WSCD2: variants seen among roughly 807,000 people sequenced by gnomAD.
WSCD2 encodes WSC domain sialate O sulfotransferase 2, also known as sialate:O-sulfotransferase 2.
WSCD2 carries 28 observed loss-of-function variants against 55.7 expected under a neutral mutation model. The observed-to-expected ratio is 0.50, with a 90% confidence interval of 0.37 to 0.69. The LOEUF is 0.69. Ranked by LOEUF, WSCD2 falls within the 30% of genes least tolerant of loss-of-function variation. The pLI is 0.00. For synonymous variants in WSCD2, 301 were observed against 301.9 expected (o/e 1.00, Z 0.03); for missense variants, 616 against 762.1 (o/e 0.81, Z 2.26).
chr12:108,208,133 G>A (rs7973976), intron 3 of WSCD2, among the ~76,000 whole-genome samples: 82,579 of 151,996 alleles, frequency 0.54, 22,615 homozygotes, highest in East Asian at 0.6. Context: ...CCTGATTCCA[G>A]GTGCTGGAGA....
intron 1 of WSCD2, among the ~76,000 whole-genome samples, chr12:108,155,748 C>G (rs982656964): frequency 2.0e-5 from 3 of 152,176 alleles, no homozygotes; most frequent in African/African-American, 7.2e-5. Flanking sequence ...ATGAGATAAT[C>G]TATGCAAAGA....
chr12:108,172,659 C>T (rs7971679), intron 1 of WSCD2, among the ~76,000 whole-genome samples: 1,773 of 152,216 alleles, frequency 0.012, 25 homozygotes, highest in African/African-American at 0.039. Flanking sequence ...TGCAAAAGAT[C>T]GCCAGCAACT....
chr12:108,180,056 A>C (rs1286475727), intron 1 of WSCD2, among the ~76,000 whole-genome samples: 6 of 151,360 alleles, frequency 4.0e-5, no homozygotes, highest in Non-Finnish European at 8.8e-5. Context: ...AAAACAAAAA[A>C]AAAAAAAAAA....
intron 7 of WSCD2, among the ~76,000 whole-genome samples, chr12:108,236,010 C>A (rs1020547471): frequency 6.6e-6 from 1 of 152,188 alleles, no homozygotes; most frequent in African/African-American, 2.4e-5. Flanking sequence ...GCCGCATTTG[C>A]CACACTGGGG....
At chr12:108,157,543 T>G (rs1878643651) in intron 1 of WSCD2, among the ~76,000 whole-genome samples, 1 of 152,202 alleles carries the variant, frequency 6.6e-6, no homozygotes, top group Non-Finnish European at 1.5e-5. Context: ...AGTTTTCCCT[T>G]TTTTGTATCT....
At chr12:108,144,170 C>G (rs1877150070) in intron 1 of WSCD2, among the ~76,000 whole-genome samples, 1 of 152,072 alleles carries the variant, frequency 6.6e-6, no homozygotes, top group African/African-American at 2.4e-5. Context: ...AAAGCCAAGT[C>G]TCCTCAGCAT....
chr12:108,138,651 T>C (rs2136870821), intron 1 of WSCD2, among the ~76,000 whole-genome samples: 1 of 152,342 alleles, frequency 6.6e-6, no homozygotes, highest in East Asian at 1.9e-4. Context: ...CTAATGTGTC[T>C]GTGGGCATCT....
intron 1 of WSCD2, among the ~76,000 whole-genome samples, chr12:108,188,100 G>C (rs1022183871): frequency 2.6e-5 from 4 of 152,124 alleles, no homozygotes; most frequent in Non-Finnish European, 5.9e-5. Flanking sequence ...AGGCCATTAA[G>C]CTAATGGCAC....
intron 1 of WSCD2, among the ~76,000 whole-genome samples, chr12:108,175,809 G>A (rs1880770040): frequency 1.3e-5 from 2 of 152,178 alleles, no homozygotes; most frequent in Admixed American, 1.3e-4. Context: ...AAAGCACAGT[G>A]GGTTAATGTT....
At chr12:108,231,110 G>A (rs1888702762) in intron 6 of WSCD2, among the ~76,000 whole-genome samples, 1 of 152,196 alleles carries the variant, frequency 6.6e-6, no homozygotes, top group Admixed American at 6.5e-5. Context: ...ACACATACAT[G>A]AGCAGGGGAT....
At chr12:108,162,416 T>G (rs945383236) in intron 1 of WSCD2, among the ~76,000 whole-genome samples, 1 of 152,098 alleles carries the variant, frequency 6.6e-6, no homozygotes, top group African/African-American at 2.4e-5. Context: ...CATTTCACAC[T>G]CAGATGCAAG....
chr12:108,196,351 C>T (rs770980059), intron 2 of WSCD2, 137 bp downstream of exon 2: 28 of 1,288,156 alleles, frequency 2.2e-5, no homozygotes, highest in Non-Finnish European at 2.7e-5. Flanking sequence ...TAGTGCCTGC[C>T]ATTATCATCC....
At chr12:108,247,879 A>T in intron 8 of WSCD2, 112 bp from the exon 9 acceptor site, 2 of 1,185,704 alleles carry the variant, frequency 1.7e-6, no homozygotes, top group East Asian at 2.4e-5. Context: ...GTTAATTGTT[A>T]ATTGTGTTAC....
rs1875233310 is a variant in WSCD2 at position 108,129,313 on chromosome 12, G to GGCA, written c.-1162_-1160dup. Among the ~76,000 whole-genome samples, 1 of 152,112 alleles carries GGCA rather than the reference G, an allele frequency of 6.6e-6. No homozygotes were observed. The highest frequency in any genetic ancestry group is 1.5e-5 in the Non-Finnish European group (1 of 67,984). Reference sequence around the variant, plus strand: ...GAGGCGCGCTGCTGGTGGCGGCGGCGGCAGCGGCGCGGGAGCTAGGGCTGG... The same window carrying GGCA: ...GAGGCGCGCTGCTGGTGGCGGCGGCGGCAGCAGCGGCGCGGGAGCTAGGGCTGG... On this transcript the variant is annotated 5_prime_UTR_variant, in exon 1 of 9. Transcript: ENST00000547525.
At chr12:108,161,948 G>C (rs1456021857) in intron 1 of WSCD2, among the ~76,000 whole-genome samples, 1 of 152,140 alleles carries the variant, frequency 6.6e-6, no homozygotes, top group Non-Finnish European at 1.5e-5. Flanking sequence ...TTTTACCGTG[G>C]CTTCACTGTG....
Position 108,243,354 on chromosome 12 carries a change from C to T in WSCD2, c.1345+2810C>T, listed in dbSNP as rs370030420. ...CCGGGTTCACGCTGTTCTCCTGCCT[C>T]AGCCTCCCAAGTAGCTGGGACTACA... is the stretch of plus-strand genomic sequence containing the variant. On this transcript the variant is annotated intron_variant, in intron 8 of 8. Coordinates refer to ENST00000547525, the MANE Select transcript of WSCD2 (RefSeq NM_014653.4). Among the ~76,000 whole-genome samples, 13 of 152,178 alleles carry T rather than the reference C, an allele frequency of 8.5e-5. No individual in the cohort carries two copies. The South Asian group carries it at 2.7e-3, about 32-fold the overall frequency.
intron 1 of WSCD2, among the ~76,000 whole-genome samples, chr12:108,145,139 C>T (rs993023701): frequency 2.0e-5 from 3 of 152,236 alleles, no homozygotes; most frequent in African/African-American, 7.2e-5. Context: ...TCCTTAAACA[C>T]ACCTTGCTGC....
chr12:108,163,122 A>G lies in WSCD2; in HGVS notation c.-551-32160A>G, dbSNP rs187555761. Among the ~76,000 whole-genome samples, 378 of 152,288 alleles carry G rather than the reference A, an allele frequency of 2.5e-3. 2 individuals carry two copies. Among genetic ancestry groups the G allele is most frequent in the African/African-American group, 8.7e-3 (360 of 41,556 alleles). ...ACTAATAAGTAGTATTTGAATCCAG[A>G]TGGGTCTGATCTGATTCCAAGTCTG... On this transcript the variant is annotated intron_variant, in intron 1 of 8. Transcript: ENST00000547525.
intron 1 of WSCD2, among the ~76,000 whole-genome samples, chr12:108,180,050 C>CATAAAAAAAA (rs1881480125): frequency 8.6e-6 from 1 of 116,674 alleles, no homozygotes; most frequent in Admixed American, 9.2e-5. Context: ...CTCAAAAAAA[C>CATAAAAAAAA]AAAAAAAAAA....
Sources: gnomAD v4.1 joint callset for allele counts (sites outside exome capture counted in the v4.1 genomes callset) on GRCh38, gnomAD v4.1.1 for gene constraint, MANE v1.5 for transcripts, NCBI Gene and HGNC (gene_info 2026-07-23, HGNC 2026-07-21) for gene names.